The following TENM3 variants were observed in gnomAD, a reference collection of about 807,000 sequenced individuals.
TENM3 encodes teneurin-3.
A neutral mutation model predicts 255.1 loss-of-function variants in TENM3; 63 were observed. The observed-to-expected ratio is 0.25, with a 90% CI of 0.20 to 0.30. The LOEUF (loss-of-function observed/expected upper bound fraction) is 0.30, where lower values mean the gene tolerates loss of function less well. Among genes scored for constraint, TENM3 ranks in the 10% least tolerant of loss-of-function variants. The pLI is 1.00. For synonymous variants in TENM3, 1,306 were observed against 1,322.3 expected (o/e 0.99, Z 0.27); for missense variants, 2,929 against 3,461.1 (o/e 0.85, Z 3.86).
chr4:182,189,202 G>A (rs1396657161), intron 1 of TENM3, among the ~76,000 whole-genome samples: 2 of 151,824 alleles, frequency 1.3e-5, no homozygotes, highest in Non-Finnish European at 2.9e-5. Context: ...ACTTTGATGT[G>A]TGATTCTTGG....
At chr4:182,430,259 C>T (rs553563884) in intron 3 of TENM3, among the ~76,000 whole-genome samples, 21 of 152,284 alleles carry the variant, frequency 1.4e-4, no homozygotes, top group Middle Eastern at 3.4e-3. Flanking sequence ...TTAAAAAGAA[C>T]GACTGTAGGC....
intron 3 of TENM3, among the ~76,000 whole-genome samples, chr4:182,402,614 A>G (rs1017534603): frequency 2.6e-5 from 4 of 152,140 alleles, no homozygotes; most frequent in Non-Finnish European, 5.9e-5. Flanking sequence ...TTCTTTTTTT[A>G]GGAGGGTCAA....
At chr4:182,675,893 T>G (rs1755626027) in intron 7 of TENM3, among the ~76,000 whole-genome samples, 2 of 152,248 alleles carry the variant, frequency 1.3e-5, no homozygotes, top group African/African-American at 2.4e-5. Flanking sequence ...ATCCTTCTAG[T>G]ATTTAAACAC....
chr4:181,502,627 G>A, the TENM3 span, among the ~76,000 whole-genome samples: 3 of 152,226 alleles, frequency 2.0e-5, no homozygotes, highest in Admixed American at 2.0e-4. Context: ...AACTAGCACG[G>A]TGTGGTTCTA....
intron 19 of TENM3, among the ~76,000 whole-genome samples, chr4:182,747,236 A>T (rs1762071602): frequency 2.0e-5 from 3 of 152,242 alleles, no homozygotes; most frequent in Non-Finnish European, 2.9e-5. Flanking sequence ...TATTTCATAT[A>T]CTGTAAACAG....
At chr4:181,891,135 G>A in the TENM3 span, among the ~76,000 whole-genome samples, 4 of 152,118 alleles carry the variant, frequency 2.6e-5, no homozygotes, top group Non-Finnish European at 5.9e-5. Flanking sequence ...CATTAAGTAG[G>A]ACAGAGAGCA....
At chr4:182,139,318 G>C (rs1749229820), upstream of TENM3, among the ~76,000 whole-genome samples, 1 of 151,016 alleles carries the variant, frequency 6.6e-6, no homozygotes, top group South Asian at 2.1e-4. Context: ...TCACCAAAGG[G>C]AGGAGAAAGA....
At chr4:182,675,258 T>G (rs989389023) in intron 7 of TENM3, among the ~76,000 whole-genome samples, 1 of 152,054 alleles carries the variant, frequency 6.6e-6, no homozygotes, top group Non-Finnish European at 1.5e-5. Context: ...CCAGATTTTC[T>G]TAAGGCTAGG....
At chr4:182,721,150 ATC>A (rs1266602128) in intron 13 of TENM3, among the ~76,000 whole-genome samples, 1 of 152,232 alleles carries the variant, frequency 6.6e-6, no homozygotes, top group African/African-American at 2.4e-5. Context: ...ACTGCGTGGC[ATC>A]TCTTTAGAAA....
At chr4:181,519,757 C>T in the TENM3 span, among the ~76,000 whole-genome samples, 2 of 152,022 alleles carry the variant, frequency 1.3e-5, no homozygotes, top group African/African-American at 2.4e-5. Context: ...TGAAATTGTT[C>T]GTGGGGGCTG....
chr4:181,654,223 C>T, the TENM3 span, among the ~76,000 whole-genome samples: 1 of 148,850 alleles, frequency 6.7e-6, no homozygotes, highest in Admixed American at 6.7e-5. Flanking sequence ...TTCTCTACTG[C>T]CTTCAGGAAA....
chr4:182,140,865 G>C (rs959559718), upstream of TENM3, among the ~76,000 whole-genome samples: 1 of 152,244 alleles, frequency 6.6e-6, no homozygotes, highest in Non-Finnish European at 1.5e-5. Context: ...ACTCGGCTGA[G>C]ACTTGACCCG....
chr4:182,572,916 G>A (rs1488915353), intron 3 of TENM3, among the ~76,000 whole-genome samples: 1 of 152,172 alleles, frequency 6.6e-6, no homozygotes. Context: ...CAGTTGGGGA[G>A]TAGGAGAGGA....
chr4:181,715,416 T>C, the TENM3 span, among the ~76,000 whole-genome samples: 1 of 152,206 alleles, frequency 6.6e-6, no homozygotes, highest in East Asian at 1.9e-4. Flanking sequence ...AACTGGGAAT[T>C]CTGAGATACA....
At chr4:182,700,922 A>T (rs902497066) in intron 12 of TENM3, among the ~76,000 whole-genome samples, 3 of 152,006 alleles carry the variant, frequency 2.0e-5, no homozygotes, top group Admixed American at 1.3e-4. Context: ...ACCTCTTTTT[A>T]AAAAAGTCTT....
Position 182,500,112 on chromosome 4 carries a change from A to T in TENM3, c.512-100812A>T, listed in dbSNP as rs1390067753. Among the ~76,000 whole-genome samples the T allele has an allele frequency of 4.6e-5, 7 of 152,320 alleles. No individual in the cohort carries two copies. The East Asian group carries it at 1.4e-3, about 29-fold the overall frequency. On this transcript the variant is annotated intron_variant, in intron 3 of 27. Coordinates refer to ENST00000511685, the MANE Select transcript of TENM3 (RefSeq NM_001080477.4). ...TTCTGCTGTGTGTCTGAAGCATGGG[A>T]TCCCAGAAGCAAATACTCAAGTAGC...
chr4:181,876,648 T>C, the TENM3 span, among the ~76,000 whole-genome samples: 1 of 152,200 alleles, frequency 6.6e-6, no homozygotes, highest in Non-Finnish European at 1.5e-5. Context: ...GTTCTGATTG[T>C]ATATTATCCA....
At chr4:182,070,191 T>C in the TENM3 span, among the ~76,000 whole-genome samples, 1 of 152,140 alleles carries the variant, frequency 6.6e-6, no homozygotes, top group African/African-American at 2.4e-5. Flanking sequence ...GTACCATTAG[T>C]TATGCTCATG....
At chr4:182,105,177 C>T in the TENM3 span, among the ~76,000 whole-genome samples, 1 of 152,138 alleles carries the variant, frequency 6.6e-6, no homozygotes, top group African/African-American at 2.4e-5. Context: ...TGTGCCACTG[C>T]ACTCCAGGCT....
Sources: allele counts gnomAD v4.1 joint callset (sites outside exome capture counted in the v4.1 genomes callset), GRCh38; gene constraint gnomAD v4.1.1; transcripts MANE v1.5; gene names NCBI Gene and HGNC (gene_info 2026-07-23, HGNC 2026-07-21).